Variants in RAPGEF4 observed in about 807,000 individuals in gnomAD.
The protein encoded by RAPGEF4 is Rap guanine nucleotide exchange factor 4.
RAPGEF4 carries 66 observed loss-of-function variants against 147.9 expected under a neutral mutation model. The ratio of observed to expected loss-of-function variants is 0.45; its 90% confidence interval spans 0.37 to 0.55. The LOEUF (loss-of-function observed/expected upper bound fraction) is 0.55, where lower values mean the gene tolerates loss of function less well. RAPGEF4 is among the 20% of genes least tolerant of loss of function. The probability of loss-of-function intolerance (pLI) is 0.00; values close to 1 mark genes in which losing one functional copy is unlikely to be tolerated. For synonymous variants in RAPGEF4, 419 were observed against 442.7 expected, an observed-to-expected ratio of 0.95 and a Z score of 0.67; for missense variants, 1,071 against 1,257.3, an observed-to-expected ratio of 0.85 and a Z score of 2.24.
chr2:172,964,465 G>GCCA (rs2105485726), intron 8 of RAPGEF4, among the ~76,000 whole-genome samples: 1 of 145,116 alleles, frequency 6.9e-6, no homozygotes, highest in East Asian at 2.0e-4. Context: ...AAACCATGTG[G>GCCA]CCAAAGTCAC....
intron 3 of RAPGEF4, among the ~76,000 whole-genome samples, chr2:172,801,363 G>A (rs1399608804): frequency 5.3e-5 from 8 of 152,304 alleles, no homozygotes; most frequent in Admixed American, 5.2e-4. Context: ...AGAGTTTCTT[G>A]CCAGCCTGCT....
At position 173,051,617 on chromosome 2, in the gene RAPGEF4, T is replaced by G. The variant is rs1471376192; in HGVS notation, c.2909-23T>G. The G allele has an allele frequency of 1.9e-6, 3 of 1,610,320 alleles. No homozygotes were observed. The Admixed American group carries it at 5.0e-5, about 27-fold the overall frequency. On this transcript the variant is annotated intron_variant, in intron 30 of 30. Transcript: ENST00000397081. ...TATACATATATTACACAATGCCAAT[T>G]CTGCCCTTTCCTCTTTCAACAGATC... is the stretch of plus-strand genomic sequence containing the variant.
intron 4 of RAPGEF4, among the ~76,000 whole-genome samples, chr2:172,815,410 C>T (rs1344238059): frequency 1.3e-5 from 2 of 152,156 alleles, no homozygotes; most frequent in Non-Finnish European, 2.9e-5. Flanking sequence ...TTATTCTTGG[C>T]AGTAGTGAAT....
At chr2:172,823,448 C>T (rs1305137880) in intron 4 of RAPGEF4, among the ~76,000 whole-genome samples, 2 of 152,196 alleles carry the variant, frequency 1.3e-5, no homozygotes, top group African/African-American at 2.4e-5. Flanking sequence ...TGGGGTTTAA[C>T]GGGTTCCCCC....
chr2:172,990,926 G>A lies in RAPGEF4; in HGVS notation c.1490+1G>A. The A allele has an allele frequency of 6.2e-7, 1 of 1,604,136 alleles. No homozygotes were observed. The highest frequency in any genetic ancestry group is 8.5e-7 in the Non-Finnish European group (1 of 1,171,316). On this transcript the variant is annotated splice_donor_variant, in intron 15 of 30. Coordinates refer to ENST00000397081, the MANE Select transcript of RAPGEF4 (RefSeq NM_007023.4). LOFTEE classifies it high-confidence loss of function. ...AAGGAAACTCACAGCCTCAGCAAAAGTATGTTTGCATCCAACACTGTAATT... is the reference window on the plus strand; with the variant it reads ...AAGGAAACTCACAGCCTCAGCAAAAATATGTTTGCATCCAACACTGTAATT...
At chr2:172,870,056 T>A (rs1265347671) in intron 4 of RAPGEF4, among the ~76,000 whole-genome samples, 1 of 152,070 alleles carries the variant, frequency 6.6e-6, no homozygotes, top group Non-Finnish European at 1.5e-5. Flanking sequence ...CCCTGAGTCA[T>A]CTCCTCATTC....
intron 4 of RAPGEF4, among the ~76,000 whole-genome samples, chr2:172,856,833 T>C (rs1693467194): frequency 6.6e-6 from 1 of 152,132 alleles, no homozygotes; most frequent in South Asian, 2.1e-4. Context: ...TGTCCTCTGG[T>C]TTCTCAACCA....
At chr2:172,990,788 G>A in intron 14 of RAPGEF4, 22 bp from the exon 15 acceptor site, 1 of 1,568,866 alleles carries the variant, frequency 6.4e-7, no homozygotes, top group Non-Finnish European at 8.8e-7. Context: ...GCATCTGTAT[G>A]TGGTGTAATT....
At chr2:172,789,693 T>C (rs1685607804) in intron 1 of RAPGEF4, among the ~76,000 whole-genome samples, 1 of 152,204 alleles carries the variant, frequency 6.6e-6, no homozygotes, top group African/African-American at 2.4e-5. Context: ...TTTAGAAACC[T>C]CATAAGTGGA....
At chr2:172,907,582 T>C (rs1699751765) in intron 4 of RAPGEF4, among the ~76,000 whole-genome samples, 1 of 152,242 alleles carries the variant, frequency 6.6e-6, no homozygotes, top group Non-Finnish European at 1.5e-5. Context: ...AAACAGGTGG[T>C]ACATTATAAA....
chr2:172,770,636 C>G (rs1683453378), intron 1 of RAPGEF4, among the ~76,000 whole-genome samples: 1 of 152,184 alleles, frequency 6.6e-6, no homozygotes, highest in Non-Finnish European at 1.5e-5. Flanking sequence ...GTTCACATTG[C>G]ACCCACAGCA....
At position 172,876,203 on chromosome 2, in the gene RAPGEF4, A is replaced by C. The variant is rs562208521; in HGVS notation, c.445-41599A>C. Among the ~76,000 whole-genome samples the C allele has an allele frequency of 6.6e-5, 10 of 152,282 alleles. No individual in the cohort carries two copies. The South Asian group carries it at 1.2e-3, about 19-fold the overall frequency. On this transcript the variant is annotated intron_variant, in intron 4 of 30. Transcript: ENST00000397081. ...ATCAAGTCATCTGCAAACAGGGACA[A>C]TTTGACTTCCTCCTTTCCTAATTGA...
rs1575460003 is a variant in RAPGEF4, at chr2:172,990,719, A to G, written c.1375-91A>G. 3.6e-6 allele frequency: 3 copies of G among 839,484 alleles called. No homozygotes were observed. In the East Asian group the frequency reaches 7.9e-5, roughly 22 times the overall value. The allele number at this position is 839,484 out of a possible 1,614,324, so 52.0% of individuals were successfully genotyped here. On this transcript the variant is annotated intron_variant, in intron 14 of 30. Transcript: ENST00000397081. ...TTGTAGACGCAACAATTAGCATGACAAGCACCAAATGAGTTTCTGAAGCAT... is the reference window on the plus strand; with the variant it reads ...TTGTAGACGCAACAATTAGCATGACGAGCACCAAATGAGTTTCTGAAGCAT...
At chr2:172,899,290 GA>G (rs1698830956) in intron 4 of RAPGEF4, among the ~76,000 whole-genome samples, 1 of 152,214 alleles carries the variant, frequency 6.6e-6, no homozygotes, top group Non-Finnish European at 1.5e-5. Flanking sequence ...TTTCTGATGA[GA>G]AAATTGGCAT....
At chr2:172,890,074 A>AC (rs1392378281) in intron 4 of RAPGEF4, among the ~76,000 whole-genome samples, 1 of 152,270 alleles carries the variant, frequency 6.6e-6, no homozygotes, top group African/African-American at 2.4e-5. Context: ...TTAATAGTAA[A>AC]CAGTGAATTT....
In RAPGEF4 at chr2:172,932,042, C is replaced by G. The variant is rs901137776; in HGVS notation, c.537+9742C>G. Among the ~76,000 whole-genome samples, 3 of 136,300 alleles carry G rather than the reference C, an allele frequency of 2.2e-5. No individual in the cohort carries two copies. In the Admixed American group the frequency reaches 2.4e-4, roughly 11 times the overall value. 89.4% of individuals were successfully genotyped at this position (136,300 alleles called of 152,430 possible). ...TTTATATTTTGTGTGTGTTTTCTTC[C>G]TTTTTCTCAATTTGGTGTTTGGCAT... On this transcript the variant is annotated intron_variant, in intron 6 of 30. Coordinates refer to ENST00000397081, the MANE Select transcript of RAPGEF4 (RefSeq NM_007023.4).
chr2:172,823,835 G>A (rs1357325107), intron 4 of RAPGEF4, among the ~76,000 whole-genome samples: 2 of 152,226 alleles, frequency 1.3e-5, no homozygotes, highest in East Asian at 3.8e-4. Context: ...TGGTTGAATG[G>A]TCTGGCCTGA....
At chr2:172,998,839 C>T (rs550239351) in intron 16 of RAPGEF4, among the ~76,000 whole-genome samples, 18 of 152,192 alleles carry the variant, frequency 1.2e-4, no homozygotes, top group African/African-American at 4.3e-4. Flanking sequence ...CAGCATCTTA[C>T]CTAAGGTATA....
chr2:172,768,031 C>T (rs1340110124), intron 1 of RAPGEF4, among the ~76,000 whole-genome samples: 2 of 151,946 alleles, frequency 1.3e-5, no homozygotes, highest in African/African-American at 2.4e-5. Context: ...AGGCTGGTCT[C>T]GAACTCCTGA....
Sources: gnomAD v4.1 joint callset for allele counts (sites outside exome capture counted in the v4.1 genomes callset) on GRCh38, gnomAD v4.1.1 for gene constraint, MANE v1.5 for transcripts, NCBI Gene and HGNC (gene_info 2026-07-23, HGNC 2026-07-21) for gene names.